Variants in NBPF12 observed in about 807,000 individuals in gnomAD.
NBPF12 encodes NBPF family member NBPF12.
NBPF12 carries 115 observed loss-of-function variants against 146.4 expected under a neutral mutation model. The ratio of observed to expected loss-of-function variants is 0.79; its 90% CI spans 0.68 to 0.92. The LOEUF (loss-of-function observed/expected upper bound fraction) is 0.92, where lower values mean the gene tolerates loss of function less well. Among genes scored for constraint, NBPF12 ranks in the 40% least tolerant of loss-of-function variants. The pLI, the probability that NBPF12 is intolerant of heterozygous loss-of-function variation, is 0.00. For synonymous variants in NBPF12, 385 were observed against 508.9 expected, an observed-to-expected ratio of 0.76 and a Z score of 3.28; for missense variants, 1,205 against 1,326.8, an observed-to-expected ratio of 0.91 and a Z score of 1.43.
intron 1 of NBPF12, among the ~76,000 whole-genome samples, chr1:146,941,837 C>A (rs1553882875): frequency 1.9e-4 from 28 of 146,830 alleles, no homozygotes; most frequent in African/African-American, 6.8e-4. Flanking sequence ...TCTATATTAA[C>A]CTTATAGCAA....
At chr1:146,946,530 T>TTC (rs1655078380), upstream of NBPF12, among the ~76,000 whole-genome samples, 1 of 142,102 alleles carries the variant, frequency 7.0e-6, no homozygotes. Context: ...TTTTTTTTTT[T>TTC]TTTTTTTTGC....
At chr1:146,954,834 C>A (rs1377061251) in intron 2 of NBPF12, among the ~76,000 whole-genome samples, 1 of 147,860 alleles carries the variant, frequency 6.8e-6, no homozygotes, top group African/African-American at 2.5e-5. Flanking sequence ...TAGATACTCA[C>A]ATGTATGTCT....
chr1:146,960,562 AC>A (rs1655784800), intron 4 of NBPF12, among the ~76,000 whole-genome samples: 1 of 152,034 alleles, frequency 6.6e-6, no homozygotes, highest in African/African-American at 2.4e-5. Flanking sequence ...CTGATTTCTG[AC>A]ACAGGCACAG....
chr1:146,981,707 G>C (rs1452356349), intron 19 of NBPF12, among the ~76,000 whole-genome samples: 1 of 151,692 alleles, frequency 6.6e-6, no homozygotes, highest in Non-Finnish European at 1.5e-5. Context: ...ACGTAGATTT[G>C]GTCTTTTCAC....
At chr1:146,973,156 A>G (rs1415950395) in intron 14 of NBPF12, among the ~76,000 whole-genome samples, 196 bp downstream of exon 17, 4 of 150,124 alleles carry the variant, frequency 2.7e-5, no homozygotes, top group South Asian at 2.1e-4. Context: ...CATGTTTGCA[A>G]TCAGGTGGGG....
intron 10 of NBPF12, among the ~76,000 whole-genome samples, chr1:146,969,165 C>T (rs1474825161): frequency 3.3e-5 from 5 of 151,356 alleles, no homozygotes; most frequent in Non-Finnish European, 7.4e-5. Context: ...ATGAATGGAA[C>T]ATCATCGAGG....
At chr1:146,995,471 G>A (rs1658486210) in exon 34 of NBPF12, 2 of 121,630 alleles carry the variant, frequency 1.6e-5, no homozygotes, top group African/African-American at 5.8e-5. Context: ...TTGAAAAAAA[G>A]TAAAAAGATA....
intron 11 of NBPF12, among the ~76,000 whole-genome samples, chr1:146,970,058 G>A (rs1327289229): frequency 1.3e-5 from 2 of 149,416 alleles, no homozygotes; most frequent in Admixed American, 6.6e-5. Context: ...TCCAAATATG[G>A]GAACACTTAC....
chr1:146,957,892 CAT>C (rs1553884512), intron 2 of NBPF12, among the ~76,000 whole-genome samples: 2 of 109,628 alleles, frequency 1.8e-5, no homozygotes, highest in African/African-American at 6.2e-5. Context: ...TGTATATACA[CAT>C]ATATATACAC....
intron 23 of NBPF12, among the ~76,000 whole-genome samples, chr1:146,986,118 A>G (rs1382742163): frequency 6.6e-6 from 1 of 151,802 alleles, no homozygotes; most frequent in Admixed American, 6.5e-5. Context: ...CACCCGGCCA[A>G]TTCGCTGAGC....
chr1:146,973,639 G>C (rs1656800900), intron 14 of NBPF12, among the ~76,000 whole-genome samples: 1 of 149,200 alleles, frequency 6.7e-6, no homozygotes, highest in African/African-American at 2.5e-5. Flanking sequence ...AATACAAAAA[G>C]TAGATGGGCA....
Position 146,962,953 on chromosome 1 carries a change from C to T in NBPF12, c.279-142C>T, listed in dbSNP as rs1186250421. 2.8e-4 allele frequency: 182 copies of T among 648,310 alleles called. 1 individual carries two copies. In the East Asian group the frequency reaches 3.8e-3, roughly 13 times the overall value. The allele number at this position is 648,310 out of a possible 1,614,324, so 40.2% of individuals were successfully genotyped here. On this transcript the variant is annotated intron_variant, in intron 5 of 33. Coordinates refer to ENST00000617844, the Ensembl canonical transcript of NBPF12. Reference sequence around the variant, plus strand: ...GACCATTTTCTGTTCTTTCTCTTGGCCACAGACATTCCTTTCAACATGTGC... The same window carrying T: ...GACCATTTTCTGTTCTTTCTCTTGGTCACAGACATTCCTTTCAACATGTGC...
chr1:146,964,958 G>C (rs1553885392), exon 8 of NBPF12: 5 of 1,608,082 alleles, frequency 3.1e-6, no homozygotes, highest in Non-Finnish European at 4.2e-6. Context: ...GCCATCACTT[G>C]TTCAAATAGC....
At chr1:146,962,756 G>C (rs1655940078) in intron 5 of NBPF12, among the ~76,000 whole-genome samples, 1 of 148,430 alleles carries the variant, frequency 6.7e-6, no homozygotes, top group African/African-American at 2.5e-5. Context: ...GCCGCAAGAT[G>C]CACTATGTGT....
At chr1:146,946,742 A>G (rs1391519605), upstream of NBPF12, among the ~76,000 whole-genome samples, 2 of 150,448 alleles carry the variant, frequency 1.3e-5, no homozygotes, top group African/African-American at 2.5e-5. Flanking sequence ...TTGGTTTTGT[A>G]TTTAAGAAGC....
chr1:146,975,420 G>C (rs1319614136), intron 15 of NBPF12, among the ~76,000 whole-genome samples: 1 of 150,022 alleles, frequency 6.7e-6, no homozygotes, highest in Non-Finnish European at 1.5e-5. Context: ...GAATTAGGAA[G>C]ACACCTACTT....
rs1656547417 is a variant in NBPF12 at position 146,970,732 on chromosome 1, A to T, written c.1379+13A>T. ...CATCTTCCCCCAGGTGACACTGAAT[A>T]CTCAGGAGCAAGTAATGGGTGTTAA... On this transcript the variant is annotated intron_variant, in intron 12 of 33. Transcript: ENST00000617844. The T allele has an allele frequency of 7.5e-7, 1 of 1,339,722 alleles. No homozygotes were observed. The highest frequency in any genetic ancestry group is 1.1e-6 in the Non-Finnish European group (1 of 932,486). 83.0% of individuals were successfully genotyped at this position (1,339,722 alleles called of 1,614,324 possible).
exon 6 of NBPF12, chr1:146,963,218 T>G (rs1655973566): frequency 6.2e-7 from 1 of 1,609,268 alleles, no homozygotes; most frequent in African/African-American, 1.3e-5. Context: ...TCACTCCGGA[T>G]GAGCCGGACA....
chr1:146,943,962 C>T (rs1654912707), intron 2 of NBPF12, among the ~76,000 whole-genome samples: 1 of 139,306 alleles, frequency 7.2e-6, no homozygotes, highest in Non-Finnish European at 1.5e-5. Context: ...CCTCCCTGTC[C>T]ACCCGCATCC....
Sources: allele counts gnomAD v4.1 joint callset (sites outside exome capture counted in the v4.1 genomes callset), GRCh38; gene constraint gnomAD v4.1.1; transcripts MANE v1.5; gene names NCBI Gene and HGNC (gene_info 2026-07-23, HGNC 2026-07-21).